Variants in ERN2 observed in about 807,000 individuals in gnomAD.
ERN2 encodes the protein serine/threonine-protein kinase/endoribonuclease IRE2.
Under a neutral mutation model 107.9 loss-of-function variants are expected in ERN2, and 111 were observed. That is an observed-to-expected ratio of 1.03 (90% CI 0.88 to 1.20). ERN2 has a LOEUF of 1.20. ERN2 is among the 50% of genes most tolerant of loss of function. The probability of loss-of-function intolerance (pLI) is 0.00; values close to 1 mark genes in which losing one functional copy is unlikely to be tolerated. For missense variants in ERN2, 1,225 were observed against 1,197.9 expected (o/e 1.02, Z -0.33); for synonymous variants, 524 against 501.7 (o/e 1.04, Z -0.59).
intron 13 of ERN2, chr16:23,696,921 C>T (rs1959851477): frequency 6.6e-6 from 1 of 152,054 alleles, no homozygotes; most frequent in African/African-American, 2.4e-5. Context: ...CACCGTGGCT[C>T]ACACCTGTAA....
Position 23,709,977 on chromosome 16 carries a change from C to T in ERN2, c.306+195G>A, listed in dbSNP as rs376983876. 4.0e-5 allele frequency: 23 copies of T among 571,288 alleles called. 1 individual carries two copies. In the African/African-American group the frequency reaches 4.3e-4, roughly 11 times the overall value. The allele number at this position is 571,288 out of a possible 1,614,324, so 35.4% of individuals were successfully genotyped here. A position where few individuals can be genotyped will look rare whatever the true frequency, so the allele number is the denominator to read the frequency against. ...CCTCCAGCTTGATAGTCAGATTGCC[C>T]TGCAGACACAGCCAGACCTCCCCTT... On this transcript the variant is annotated intron_variant, in intron 4 of 21. Coordinates refer to ENST00000256797, the MANE Select transcript of ERN2 (RefSeq NM_033266.4).
In ERN2 at chr16:23,691,316, A is replaced by G. The variant is rs1959585845; in HGVS notation, c.2486T>C (p.Met829Thr). 1 of 1,610,214 alleles carries G rather than the reference A, an allele frequency of 6.2e-7. No individual in the cohort carries two copies. The highest frequency in any genetic ancestry group is 1.3e-5 in the African/African-American group (1 of 74,832). ...VRDNWHEHIS[M>T]PLQTDLRKFR... ...ATGGCCTCTACCTGTCTGCAGCGGC[A>G]TGGAGATGTGCTCGTGCCAGTTGTC... Residue 829 changes from methionine (M) to threonine (T), a missense_variant, in exon 20 of 22, where the codon ATG (methionine) becomes ACG (threonine). Physicochemically the swap from Met to Thr is moderately conservative, Grantham distance 81 (BLOSUM62 -1). Transcript: ENST00000256797.
chr16:23,701,123 A>T lies in ERN2; in HGVS notation c.1204-9T>A. On this transcript the variant is annotated splice_polypyrimidine_tract_variant and intron_variant, in intron 11 of 21. Transcript: ENST00000256797. Reference sequence around the variant, plus strand: ...CGGCTCAGGCTCAATAGCTGGGGATAAAGGGCCCTTCACTTTTAGCACCCC... The same window carrying T: ...CGGCTCAGGCTCAATAGCTGGGGATTAAGGGCCCTTCACTTTTAGCACCCC... 1 of 1,611,774 alleles carries T rather than the reference A, an allele frequency of 6.2e-7. No homozygotes were observed.
chr16:23,712,811 C>T, intron 1 of ERN2: 1 of 405,364 alleles, frequency 2.5e-6, no homozygotes, highest in Non-Finnish European at 4.3e-6. Flanking sequence ...CAGGTGCCCC[C>T]CTACCCCAGA....
rs148979151 is a variant in ERN2, at chr16:23,702,697, G to A, written c.860C>T (p.Thr287Met). ...FSTLDTQLLM[T>M]LYVGKDETGF... Reference sequence around the variant, plus strand: ...AGTTTCATCCTTCCCCACATACAGCGTCATTCTAGTGGGAGAGAAGAAAAA... The same window carrying A: ...AGTTTCATCCTTCCCCACATACAGCATCATTCTAGTGGGAGAGAAGAAAAA... The change falls in exon 9 of 22, where the codon ACG becomes ATG. Residue 287 changes from threonine (T) to methionine (M), a missense_variant. Transcript: ENST00000256797. 1.1e-4 allele frequency: 177 copies of A among 1,613,326 alleles called. No homozygotes were observed. Among genetic ancestry groups the A allele is most frequent in the East Asian group, 7.1e-4 (32 of 44,866 alleles).
Position 23,702,723 on chromosome 16 carries a change from G to A in ERN2, c.855-21C>T, listed in dbSNP as rs773461683. On this transcript the variant is annotated intron_variant, in intron 8 of 21. Transcript: ENST00000256797. ...TCATTCTAGTGGGAGAGAAGAAAAA[G>A]AAGAGAAGAATGAATGCTGGTGATG... is the stretch of plus-strand genomic sequence containing the variant. 5.0e-6 allele frequency: 8 copies of A among 1,602,698 alleles called. No homozygotes were observed. The South Asian group carries it at 8.8e-5, about 18-fold the overall frequency.
At chr16:23,709,156 T>G in intron 4 of ERN2, 1 of 455,186 alleles carries the variant, frequency 2.2e-6, no homozygotes, top group Non-Finnish European at 4.4e-6. Context: ...AAGAACTGGG[T>G]GTGGTGGTGT....
At chr16:23,691,503 T>C in intron 19 of ERN2, 78 bp from the exon 20 acceptor site, 5 of 1,496,472 alleles carry the variant, frequency 3.3e-6, no homozygotes, top group Non-Finnish European at 4.5e-6. Context: ...CTTACAGGAG[T>C]AGTTTAGGGT....
intron 2 of ERN2, 141 bp from the exon 3 acceptor site, chr16:23,710,690 C>A: frequency 9.8e-7 from 1 of 1,024,758 alleles, no homozygotes; most frequent in South Asian, 1.3e-5. Flanking sequence ...AAAACTCTGT[C>A]AGATAGGGTC....
Position 23,700,615 on chromosome 16 carries a change from G to A in ERN2, c.1449C>T (p.His483=), listed in dbSNP as rs1445700492. 1.9e-6 allele frequency: 3 copies of A among 1,614,190 alleles called. No homozygotes were observed. In the Admixed American group the frequency reaches 5.0e-5, roughly 27 times the overall value. ...AHISQDAQSL[H]SGASRRSQKR... ...TCTGGCTCCTCCGGCTGGCCCCCGA[G>A]TGCAGGGACTGGGCATCCTGGGAGA... Residue 483 remains histidine, a synonymous_variant, in exon 13 of 22, where the codon CAC becomes CAT. Transcript: ENST00000256797.
At position 23,704,326 on chromosome 16, in the gene ERN2, A is replaced by G. The variant is rs541510722; in HGVS notation, c.854+557T>C. Among the ~76,000 whole-genome samples, 5 of 152,256 alleles carry G rather than the reference A, an allele frequency of 3.3e-5. No homozygotes were observed. In the East Asian group the frequency reaches 5.8e-4, roughly 18 times the overall value. On this transcript the variant is annotated intron_variant, in intron 8 of 21. Coordinates refer to ENST00000256797, the MANE Select transcript of ERN2 (RefSeq NM_033266.4). ...CACCAAAATCTCATCTTGAATTTCCATGGGTTGTGGTAGGGACCCGGTGGG... is the reference window on the plus strand; with the variant it reads ...CACCAAAATCTCATCTTGAATTTCCGTGGGTTGTGGTAGGGACCCGGTGGG...
At chr16:23,699,969 G>T (rs1024875070) in intron 13 of ERN2, among the ~76,000 whole-genome samples, 2 of 152,046 alleles carry the variant, frequency 1.3e-5, no homozygotes, top group Non-Finnish European at 2.9e-5. Context: ...GCTCAAAAGA[G>T]GTAAACAGAG....
intron 1 of ERN2, chr16:23,712,104 G>A (rs1310296412): frequency 2.3e-6 from 1 of 438,518 alleles, no homozygotes; most frequent in Non-Finnish European, 4.7e-6. Context: ...CCTGCTTCAG[G>A]ACCCTCAGGT....
Position 23,713,121 on chromosome 16 carries a change from G to C in ERN2, c.67C>G (p.Leu23Val). ...TGTGGACTCAGCGTCCCGAGCAGCA[G>C]CGCCGCGAACTGGAGCTGGAGCCCC... The part of the protein sequence containing the change: ...RLGLQLQFAA[L>V]LLGTLSPQVH... Residue 23 changes from leucine (L) to valine (V), a missense_variant, in exon 1 of 22, where the codon CTG (leucine) becomes GTG (valine). Coordinates refer to ENST00000256797, the MANE Select transcript of ERN2 (RefSeq NM_033266.4). The C allele has an allele frequency of 6.3e-7, 1 of 1,576,438 alleles. No individual in the cohort carries two copies. Among genetic ancestry groups the C allele is most frequent in the African/African-American group, 1.4e-5 (1 of 73,990 alleles).
chr16:23,691,082 G>A (rs372573407), intron 21 of ERN2, 39 bp from the exon 22 acceptor site: 21 of 1,613,362 alleles, frequency 1.3e-5, no homozygotes, highest in Middle Eastern at 3.3e-4. Flanking sequence ...GCTCAGCTGC[G>A]GCCAGGCCTT....
chr16:23,706,053 C>T (rs1567252430), intron 7 of ERN2, among the ~76,000 whole-genome samples: 2 of 152,118 alleles, frequency 1.3e-5, no homozygotes, highest in South Asian at 4.1e-4. Context: ...TGGGGTCACT[C>T]TGGATGTGGG....
chr16:23,690,618 C>T lies in ERN2; in HGVS notation c.*213G>A, dbSNP rs1259258376. The T allele has an allele frequency of 1.7e-6, 1 of 582,220 alleles. No individual in the cohort carries two copies. The highest frequency in any genetic ancestry group is 3.1e-6 in the Non-Finnish European group (1 of 326,184). The allele number at this position is 582,220 out of a possible 1,614,324, so 36.1% of individuals were successfully genotyped here. A position where few individuals can be genotyped will look rare whatever the true frequency, so the allele number is the denominator to read the frequency against. ...TACAGGCGTGCGCCACCATGCCTGG[C>T]TAATTTTACAAATTTTTTGTAGAAA... On this transcript the variant is annotated 3_prime_UTR_variant, in exon 22 of 22. Coordinates refer to ENST00000256797, the MANE Select transcript of ERN2 (RefSeq NM_033266.4).
At chr16:23,702,784 A>T (rs1272859836) in intron 8 of ERN2, 82 bp from the exon 9 acceptor site, 23 of 1,181,784 alleles carry the variant, frequency 1.9e-5, no homozygotes, top group Non-Finnish European at 2.7e-5. Flanking sequence ...ATGCCCTTGT[A>T]TATTTCCCTC....
intron 13 of ERN2, chr16:23,696,515 A>G (rs1434008478): frequency 6.5e-6 from 1 of 153,532 alleles, no homozygotes. Flanking sequence ...GAGTATAGCC[A>G]CAGAAAAAAG....
Sources: gnomAD v4.1 joint callset for allele counts (sites outside exome capture counted in the v4.1 genomes callset) on GRCh38, gnomAD v4.1.1 for gene constraint, MANE v1.5 for transcripts, NCBI Gene and HGNC (gene_info 2026-07-23, HGNC 2026-07-21) for gene names.